ZFPM1: variants seen among roughly 807,000 people sequenced by gnomAD.
ZFPM1 encodes the protein zinc finger protein ZFPM1.
In ZFPM1, 28 loss-of-function variants were observed where a neutral mutation model predicts 46.3. That is an observed-to-expected ratio of 0.60 (90% CI 0.45 to 0.83). ZFPM1 has a LOEUF of 0.83. Among genes scored for constraint, ZFPM1 ranks in the 40% least tolerant of loss-of-function variants. ZFPM1 has a pLI of 0.00. For missense variants in ZFPM1, 1,878 were observed against 1,432.4 expected (o/e 1.31, Z -5.02); for synonymous variants, 957 against 675.9 (o/e 1.42, Z -6.45).
At chr16:88,463,752 G>A (rs367823499) in intron 1 of ZFPM1, among the ~76,000 whole-genome samples, 10 of 152,214 alleles carry the variant, frequency 6.6e-5, no homozygotes, top group South Asian at 4.1e-4. Flanking sequence ...CCCTGCTCCC[G>A]CTGGGCCAGG....
At chr16:88,502,906 C>T (rs930783119) in intron 3 of ZFPM1, among the ~76,000 whole-genome samples, 1 of 152,278 alleles carries the variant, frequency 6.6e-6, no homozygotes, top group African/African-American at 2.4e-5. Context: ...GGCCGGACGG[C>T]AGATCCGGGG....
intron 1 of ZFPM1, among the ~76,000 whole-genome samples, chr16:88,477,589 G>A (rs1294755253): frequency 2.0e-5 from 3 of 152,226 alleles, no homozygotes; most frequent in African/African-American, 7.2e-5. Context: ...CAGCTACTCA[G>A]GAGGCTTAGG....
chr16:88,490,376 G>C (rs1369424776), intron 3 of ZFPM1, among the ~76,000 whole-genome samples: 1 of 152,276 alleles, frequency 6.6e-6, no homozygotes, highest in Non-Finnish European at 1.5e-5. Context: ...AGTGCCTGCT[G>C]TGTGCCAGGC....
intron 1 of ZFPM1, among the ~76,000 whole-genome samples, chr16:88,455,513 G>GGCGCCCGC (rs1399268571): frequency 4.6e-5 from 7 of 151,464 alleles, no homozygotes; most frequent in Non-Finnish European, 8.9e-5. Context: ...ACCAAGCGGC[G>GGCGCCCGC]GCGCCCGCCC....
rs768442962 is a variant in ZFPM1, at chr16:88,535,236, T to C, written c.*257T>C. The stretch of plus-strand genomic sequence containing the variant: ...GCCAGTGTCACATCCAGCCCTGCTG[T>C]GTACACAGGCCACTGCGGCCCGGAG... On this transcript the variant is annotated 3_prime_UTR_variant, in exon 10 of 10. Coordinates refer to ENST00000319555, the MANE Select transcript of ZFPM1 (RefSeq NM_153813.3). The C allele has an allele frequency of 2.9e-6, 1 of 341,940 alleles. No individual in the cohort carries two copies. The highest frequency in any genetic ancestry group is 5.2e-6 in the Non-Finnish European group (1 of 193,446). 21.2% of individuals were successfully genotyped at this position (341,940 alleles called of 1,614,324 possible). A position where few individuals can be genotyped will look rare whatever the true frequency, so the allele number is the denominator to read the frequency against.
rs781524882 is a variant in ZFPM1, at chr16:88,480,905, G to A, written c.41-5034G>A. ...CCCCCAGCGCCTCGCCATCAAAGCC[G>A]GGAGGGGCCACCTTAATCGTCGGTG... On this transcript the variant is annotated intron_variant, in intron 1 of 9. Coordinates refer to ENST00000319555, the MANE Select transcript of ZFPM1 (RefSeq NM_153813.3). This position sits in a 1 kb window ranked among gnomAD's most constrained non-coding sequence, Gnocchi z 4.9. 5.9e-5 allele frequency among the ~76,000 whole-genome samples: 9 copies of A among 152,258 alleles called. No individual in the cohort carries two copies. Among genetic ancestry groups the A allele is most frequent in the African/African-American group, 1.7e-4 (7 of 41,466 alleles).
rs560642893 is a variant in ZFPM1 at position 88,479,869 on chromosome 16, C to G, written c.41-6070C>G. Reference sequence around the variant, plus strand: ...CGTCCCTCCCTCCCCCCCGCTGCCACCCCCGCAGTACTTCCTCCCCCAGCC... The same window carrying G: ...CGTCCCTCCCTCCCCCCCGCTGCCAGCCCCGCAGTACTTCCTCCCCCAGCC... On this transcript the variant is annotated intron_variant, in intron 1 of 9. Transcript: ENST00000319555. 4.3e-3 allele frequency among the ~76,000 whole-genome samples: 612 copies of G among 140,912 alleles called. 5 individuals carry two copies. Among genetic ancestry groups the G allele is most frequent in the African/African-American group, 0.016 (578 of 37,274 alleles). 92.4% of individuals were successfully genotyped at this position (140,912 alleles called of 152,430 possible).
At position 88,501,220 on chromosome 16, in the gene ZFPM1, C is replaced by T. The variant is rs1275139184; in HGVS notation, c.268+12067C>T. On this transcript the variant is annotated intron_variant, in intron 3 of 9. Transcript: ENST00000319555. ...CAGGTGCTGGTGATGATGGAGATAGCGGGTGTGGGTGCATGGGCTCTCCCG... is the reference window on the plus strand; with the variant it reads ...CAGGTGCTGGTGATGATGGAGATAGTGGGTGTGGGTGCATGGGCTCTCCCG... Among the ~76,000 whole-genome samples the T allele has an allele frequency of 5.3e-4, 60 of 112,634 alleles. 2 individuals carry two copies. Among genetic ancestry groups the T allele is most frequent in the Admixed American group, 1.8e-3 (18 of 9,910 alleles). The allele number at this position is 112,634 out of a possible 152,430, so 73.9% of individuals were successfully genotyped here.
At chr16:88,453,809 G>T (rs1907405975) in intron 1 of ZFPM1, 131 bp downstream of exon 1, 8 of 492,274 alleles carry the variant, frequency 1.6e-5, no homozygotes, top group South Asian at 1.6e-4. Context: ...CGCGCCCCCC[G>T]CGCTGTGCCA....
chr16:88,455,944 A>AGCCTG (rs1211517863), intron 1 of ZFPM1, among the ~76,000 whole-genome samples: 3 of 151,996 alleles, frequency 2.0e-5, no homozygotes, highest in Non-Finnish European at 4.4e-5. Context: ...CTCCGATAAG[A>AGCCTG]GCCTGGCCGG....
intron 6 of ZFPM1, among the ~76,000 whole-genome samples, chr16:88,529,917 G>T (rs887137648): frequency 2.0e-5 from 3 of 152,214 alleles, no homozygotes; most frequent in Non-Finnish European, 4.4e-5. Flanking sequence ...ACACTGGAGA[G>T]AACGGGCCGA....
intron 4 of ZFPM1, chr16:88,516,382 G>A: frequency 2.5e-6 from 1 of 397,772 alleles, no homozygotes; most frequent in Non-Finnish European, 4.4e-6. Context: ...ACGGGCACGG[G>A]GTTAGAAACG....
intron 3 of ZFPM1, among the ~76,000 whole-genome samples, chr16:88,489,710 G>A (rs918036180): frequency 7.2e-5 from 11 of 152,350 alleles, no homozygotes; most frequent in East Asian, 3.9e-4. Context: ...ACTCTGCTCC[G>A]TGATTTGCAG....
rs140552335 is a variant in ZFPM1 at position 88,535,138 on chromosome 16, C to G, written c.*159C>G. The G allele has an allele frequency of 5.5e-6, 5 of 904,736 alleles. No homozygotes were observed. Among genetic ancestry groups the G allele is most frequent in the East Asian group, 6.8e-5 (2 of 29,388 alleles). The allele number at this position is 904,736 out of a possible 1,614,324, so 56.0% of individuals were successfully genotyped here. On this transcript the variant is annotated 3_prime_UTR_variant, in exon 10 of 10. Coordinates refer to ENST00000319555, the MANE Select transcript of ZFPM1 (RefSeq NM_153813.3). ...GCAGCGCCCGCCTGGACCCTTGGCA[C>G]TTAATAAAGAAGTTCAGTTTGATGA...
At position 88,534,585 on chromosome 16, in the gene ZFPM1, C is replaced by G; in HGVS notation, c.2627C>G (p.Ala876Gly). The stretch of plus-strand genomic sequence containing the variant: ...GACCTGCTGGAGCATTTCCGCCTGG[C>G]GCACGGCCTGCTGCTCGGCGCGCCC... ...RGDLLEHFRLAHGLLLGAPLA... is the reference protein window; with the variant it reads ...RGDLLEHFRLGHGLLLGAPLA... The change falls in exon 10 of 10, where the codon GCG becomes GGG. Residue 876 changes from alanine to glycine, a missense_variant. Transcript: ENST00000319555. The G allele has an allele frequency of 4.0e-6, 5 of 1,265,090 alleles. No individual in the cohort carries two copies. Among genetic ancestry groups the G allele is most frequent in the Non-Finnish European group, 5.0e-6 (5 of 1,003,326 alleles). The allele number at this position is 1,265,090 out of a possible 1,614,324, so 78.4% of individuals were successfully genotyped here.
At chr16:88,465,951 A>G (rs1389705125) in intron 1 of ZFPM1, among the ~76,000 whole-genome samples, 2 of 152,150 alleles carry the variant, frequency 1.3e-5, no homozygotes, top group Non-Finnish European at 1.5e-5. Context: ...GGAGGGTGCC[A>G]AGGGGCCCGC....
rs558974002 is a variant in ZFPM1 at position 88,494,720 on chromosome 16, C to G, written c.268+5567C>G. On this transcript the variant is annotated intron_variant, in intron 3 of 9. Transcript: ENST00000319555. ...GGCGTGGACAGGCAGGAGTGCGGCC[C>G]GGTCACTGGGCCTGTGGCCTTGGAC... Among the ~76,000 whole-genome samples, 664 of 152,134 alleles carry G rather than the reference C, an allele frequency of 4.4e-3. 9 individuals carry two copies. Among genetic ancestry groups the G allele is most frequent in the African/African-American group, 0.015 (634 of 41,512 alleles).
At chr16:88,533,123 T>C (rs1404015747) in intron 9 of ZFPM1, 25 bp from the exon 10 acceptor site, 1 of 1,278,634 alleles carries the variant, frequency 7.8e-7, no homozygotes, top group East Asian at 4.3e-5. Flanking sequence ...AGGCCTGAGG[T>C]GCCACCCCTG....
intron 1 of ZFPM1, among the ~76,000 whole-genome samples, chr16:88,470,432 C>T (rs889558504): frequency 2.0e-5 from 3 of 152,226 alleles, no homozygotes; most frequent in African/African-American, 2.4e-5. Context: ...AGGGGTCTGA[C>T]GTGCTCTGTG....
Sources: gnomAD v4.1 joint callset for allele counts (sites outside exome capture counted in the v4.1 genomes callset) on GRCh38, gnomAD v4.1.1 for gene constraint, Gnocchi (gnomAD v3.1) non-coding constraint, MANE v1.5 for transcripts, NCBI Gene and HGNC (gene_info 2026-07-23, HGNC 2026-07-21) for gene names.